The following ABCC1 variants were observed in gnomAD, a reference collection of about 807,000 sequenced individuals.
ABCC1 encodes multidrug resistance-associated protein 1.
In ABCC1, 83 loss-of-function variants were observed where a neutral mutation model predicts 172.9. The observed-to-expected ratio is 0.48, with a 90% confidence interval of 0.40 to 0.58. ABCC1 has a LOEUF of 0.58. Ranked by LOEUF, ABCC1 falls within the 20% of genes least tolerant of loss-of-function variation. The probability of loss-of-function intolerance (pLI) is 0.00; values close to 1 mark genes in which losing one functional copy is unlikely to be tolerated. For synonymous variants in ABCC1, 937 were observed against 825.2 expected, an observed-to-expected ratio of 1.14 and a Z score of -2.32; for missense variants, 1,817 against 2,002.7, an observed-to-expected ratio of 0.91 and a Z score of 1.77.
chr16:16,106,691 G>T (rs774165579), intron 20 of ABCC1, 47 bp from the exon 21 acceptor site: 2 of 1,611,832 alleles, frequency 1.2e-6, no homozygotes, highest in South Asian at 2.2e-5. Context: ...CTCCGACCCT[G>T]CCCAAGGCAT....
At chr16:16,075,205 G>A (rs35622) in intron 14 of ABCC1, among the ~76,000 whole-genome samples, 91,973 of 151,698 alleles carry the variant, frequency 0.61, 28,152 homozygotes, top group East Asian at 0.67. Context: ...TCGGTCTCCC[G>A]AAGTGTTGGG....
intron 12 of ABCC1, among the ~76,000 whole-genome samples, chr16:16,061,210 C>G (rs1184227939): frequency 6.6e-6 from 1 of 152,196 alleles, no homozygotes; most frequent in Non-Finnish European, 1.5e-5. Flanking sequence ...CAGGTGTGAG[C>G]CGCCATGCCC....
intron 1 of ABCC1, among the ~76,000 whole-genome samples, chr16:15,980,935 T>C (rs1207839522): frequency 6.6e-6 from 1 of 152,190 alleles, no homozygotes; most frequent in South Asian, 2.1e-4. Context: ...AGTACAAGCA[T>C]TGGGTAAATA....
At chr16:16,115,334 T>G (rs1413703850) in intron 23 of ABCC1, among the ~76,000 whole-genome samples, 1 of 152,240 alleles carries the variant, frequency 6.6e-6, no homozygotes, top group Non-Finnish European at 1.5e-5. Flanking sequence ...CCTATCACTA[T>G]AAAGACAACT....
intron 1 of ABCC1, among the ~76,000 whole-genome samples, chr16:15,953,340 A>G (rs1372555497): frequency 6.6e-6 from 1 of 152,162 alleles, no homozygotes; most frequent in Non-Finnish European, 1.5e-5. Flanking sequence ...AAAGAAAAAA[A>G]AAATTGTGCT....
intron 7 of ABCC1, 74 bp downstream of exon 7, chr16:16,036,677 TG>T: frequency 2.0e-6 from 3 of 1,512,212 alleles, no homozygotes; most frequent in South Asian, 1.2e-5. Context: ...CAATCCAGGA[TG>T]GGGCCCTGGC....
At position 16,138,408 on chromosome 16, in the gene ABCC1, G is replaced by A; in HGVS notation, c.4337G>A (p.Arg1446Lys). Residue 1446 changes from arginine to lysine, a missense_variant, in exon 30 of 31, where the codon AGG becomes AAG. Coordinates refer to ENST00000399410, the MANE Select transcript of ABCC1 (RefSeq NM_004996.4). ...QLVCLARALL[R>K]KTKILVLDEA... ...GTGTGCCTAGCCCGGGCCCTGCTGAGGAAGACGAAGATCCTTGTGTTGGAT... is the reference window on the plus strand; with the variant it reads ...GTGTGCCTAGCCCGGGCCCTGCTGAAGAAGACGAAGATCCTTGTGTTGGAT... 6.2e-7 allele frequency: 1 copy of A among 1,607,846 alleles called. No homozygotes were observed. The highest frequency in any genetic ancestry group is 8.5e-7 in the Non-Finnish European group (1 of 1,174,886).
intron 1 of ABCC1, among the ~76,000 whole-genome samples, chr16:15,966,513 A>G (rs2046245597): frequency 1.3e-5 from 2 of 152,160 alleles, no homozygotes; most frequent in East Asian, 3.9e-4. Context: ...GGCACTGGGA[A>G]GGGTAACCCA....
At chr16:16,066,438 C>T (rs1019561926) in intron 12 of ABCC1, among the ~76,000 whole-genome samples, 1 of 151,846 alleles carries the variant, frequency 6.6e-6, no homozygotes, top group Non-Finnish European at 1.5e-5. Context: ...GCCTCAGCCT[C>T]CCGAAGTGCT....
At position 16,071,679 on chromosome 16, in the gene ABCC1, C is replaced by T. The variant is rs1241657547; in HGVS notation, c.1862C>T (p.Ser621Phe). The T allele has an allele frequency of 2.5e-6, 4 of 1,613,922 alleles. No homozygotes were observed. The highest frequency in any genetic ancestry group is 3.4e-6 in the Non-Finnish European group (4 of 1,179,990). Reference protein sequence around the residue: ...VSLKRLRIFLSHEELEPDSIE... With the variant: ...VSLKRLRIFLFHEELEPDSIE... ...CTCAAACGCCTGAGGATCTTTCTCTCCCATGAGGAGCTGGAACCTGACAGC... is the reference window on the plus strand; with the variant it reads ...CTCAAACGCCTGAGGATCTTTCTCTTCCATGAGGAGCTGGAACCTGACAGC... Residue 621 changes from serine to phenylalanine, a missense_variant, in exon 14 of 31, where the codon TCC becomes TTC. Physicochemically the swap from Ser to Phe is radical, Grantham distance 155. This residue lies in a region of ABCC1 where 1,412 missense variants were observed against 1,600.3 expected (regional missense o/e 0.88). Transcript: ENST00000399410.
At chr16:16,048,045 G>GC (rs1415877222) in intron 9 of ABCC1, 97 bp from the exon 10 acceptor site, 4 of 1,435,660 alleles carry the variant, frequency 2.8e-6, no homozygotes, top group Non-Finnish European at 3.9e-6. Context: ...CGGCATTTCT[G>GC]CCCCTGAGAG....
At chr16:16,031,423 C>T (rs1455176222) in intron 5 of ABCC1, among the ~76,000 whole-genome samples, 1 of 152,152 alleles carries the variant, frequency 6.6e-6, no homozygotes, top group Non-Finnish European at 1.5e-5. Flanking sequence ...CTTTCCTTGC[C>T]TGCATGTTGT....
intron 27 of ABCC1, 117 bp from the exon 28 acceptor site, chr16:16,134,233 G>A (rs1280878410): frequency 1.4e-5 from 19 of 1,311,018 alleles, no homozygotes; most frequent in South Asian, 5.2e-5. Context: ...GAGGGCTGTC[G>A]AGTTGGGTTG....
At chr16:15,975,560 T>TTTTTTTTGTTTTTTTTG (rs2046470418) in intron 1 of ABCC1, among the ~76,000 whole-genome samples, 1 of 26,426 alleles carries the variant, frequency 3.8e-5, no homozygotes, top group Non-Finnish European at 1.8e-4. Context: ...GTTTTTTTTG[T>TTTTTTTTGTTTTTTTTG]TTTTTTTTGT....
At chr16:16,002,644 T>C (rs961845208) in intron 1 of ABCC1, among the ~76,000 whole-genome samples, 2 of 152,020 alleles carry the variant, frequency 1.3e-5, no homozygotes, top group African/African-American at 4.8e-5. Flanking sequence ...TGGTGGTGTG[T>C]GCCTGTGGTC....
chr16:15,983,697 A>G (rs932253686), intron 1 of ABCC1, among the ~76,000 whole-genome samples: 2 of 151,870 alleles, frequency 1.3e-5, no homozygotes, highest in Non-Finnish European at 2.9e-5. Context: ...CTGGGACTAC[A>G]GGTGCCCACT....
intron 1 of ABCC1, among the ~76,000 whole-genome samples, chr16:15,959,974 CT>C (rs2046092139): frequency 3.9e-5 from 6 of 152,154 alleles, no homozygotes; most frequent in Non-Finnish European, 7.4e-5. Flanking sequence ...GAGCTTTTAT[CT>C]TCCTCTCTGT....
chr16:15,960,686 T>C (rs1030318017), intron 1 of ABCC1, among the ~76,000 whole-genome samples: 1 of 152,030 alleles, frequency 6.6e-6, no homozygotes, highest in African/African-American at 2.4e-5. Context: ...ACCCCAGAGC[T>C]CAGTGGCAAA....
intron 14 of ABCC1, among the ~76,000 whole-genome samples, chr16:16,075,908 G>A (rs1188389161): frequency 6.6e-6 from 1 of 151,990 alleles, no homozygotes; most frequent in Non-Finnish European, 1.5e-5. Context: ...GTGGAGAGAG[G>A]TTTGCATGTG....
Sources: allele counts gnomAD v4.1 joint callset (sites outside exome capture counted in the v4.1 genomes callset), GRCh38; gene constraint gnomAD v4.1.1; regional missense constraint gnomAD v4.1.1; transcripts MANE v1.5; gene names NCBI Gene and HGNC (gene_info 2026-07-23, HGNC 2026-07-21).